The following SPAG16 variants were observed in gnomAD, a reference collection of about 807,000 sequenced individuals.
The protein encoded by SPAG16 is sperm-associated antigen 16 protein.
A neutral mutation model predicts 80.4 loss-of-function variants in SPAG16; 86 were observed. That is an observed-to-expected ratio of 1.07 (90% CI 0.90 to 1.28). The LOEUF (loss-of-function observed/expected upper bound fraction) is 1.28. Among genes scored for constraint, SPAG16 ranks in the 50% most tolerant of loss-of-function variants. The pLI, the probability that SPAG16 is intolerant of heterozygous loss-of-function variation, is 0.00. For synonymous variants in SPAG16, 294 were observed against 265.9 expected (o/e 1.11, Z -1.03); for missense variants, 870 against 765.3 (o/e 1.14, Z -1.61).
intron 12 of SPAG16, among the ~76,000 whole-genome samples, chr2:213,952,957 A>G (rs1249389648): frequency 2.0e-5 from 3 of 152,102 alleles, no homozygotes; most frequent in African/African-American, 7.2e-5. Context: ...CCCTTTTGGA[A>G]TAAAACTAAC....
At chr2:213,407,000 C>T (rs2068645848) in intron 9 of SPAG16, among the ~76,000 whole-genome samples, 1 of 150,548 alleles carries the variant, frequency 6.6e-6, no homozygotes, top group Admixed American at 6.6e-5. Flanking sequence ...AGGACTCTCA[C>T]ATACTGCGGC....
At chr2:213,534,144 T>C (rs1485496055) in intron 10 of SPAG16, among the ~76,000 whole-genome samples, 1 of 152,172 alleles carries the variant, frequency 6.6e-6, no homozygotes, top group Non-Finnish European at 1.5e-5. Flanking sequence ...AAAAATAATA[T>C]CCATTTGTGT....
chr2:213,650,526 C>T (rs1012211055), intron 10 of SPAG16, among the ~76,000 whole-genome samples: 5 of 152,024 alleles, frequency 3.3e-5, no homozygotes, highest in East Asian at 3.9e-4. Context: ...GTGTGTTTGG[C>T]GATAGGGGAA....
intron 10 of SPAG16, among the ~76,000 whole-genome samples, chr2:213,567,228 A>AT (rs1327441500): frequency 3.3e-5 from 4 of 122,790 alleles, no homozygotes; most frequent in African/African-American, 1.1e-4. Context: ...CTTGTTTGAC[A>AT]TTGTTTTTTT....
intron 9 of SPAG16, among the ~76,000 whole-genome samples, chr2:213,413,596 G>A (rs2069104496): frequency 6.6e-6 from 1 of 152,096 alleles, no homozygotes; most frequent in South Asian, 2.1e-4. Flanking sequence ...TTTTAAATAT[G>A]TTTTTAAAAG....
chr2:214,086,234 T>C (rs182203910), intron 13 of SPAG16, among the ~76,000 whole-genome samples: 2 of 152,342 alleles, frequency 1.3e-5, no homozygotes, highest in East Asian at 3.9e-4. Flanking sequence ...CTGTATTAAT[T>C]AAGGTTGTTA....
At chr2:213,711,856 G>C (rs1052645167) in intron 10 of SPAG16, among the ~76,000 whole-genome samples, 1 of 151,982 alleles carries the variant, frequency 6.6e-6, no homozygotes, top group African/African-American at 2.4e-5. Context: ...TATCTCTGTA[G>C]ACATCTAACA....
intron 15 of SPAG16, among the ~76,000 whole-genome samples, chr2:214,224,425 G>A (rs2058654475): frequency 6.6e-6 from 1 of 151,904 alleles, no homozygotes; most frequent in African/African-American, 2.4e-5. Flanking sequence ...AATTTCTTCA[G>A]TATGTGCAAA....
chr2:214,241,679 C>G (rs1689500184), intron 15 of SPAG16, among the ~76,000 whole-genome samples: 1 of 152,058 alleles, frequency 6.6e-6, no homozygotes, highest in Non-Finnish European at 1.5e-5. Context: ...TAAAACTGCT[C>G]TAAGAAATAG....
chr2:213,981,932 C>A (rs1213659402), intron 12 of SPAG16, among the ~76,000 whole-genome samples: 1 of 149,550 alleles, frequency 6.7e-6, no homozygotes, highest in Admixed American at 6.6e-5. Flanking sequence ...TTTTACATTT[C>A]AAAAACACTA....
At chr2:214,322,509 C>A (rs1481303321) in intron 15 of SPAG16, among the ~76,000 whole-genome samples, 90 of 136,712 alleles carry the variant, frequency 6.6e-4, no homozygotes, top group South Asian at 8.9e-4. Context: ...TCACCTTAGG[C>A]AAAAAAAAAA....
At chr2:214,338,909 A>G (rs958008172) in intron 15 of SPAG16, among the ~76,000 whole-genome samples, 1 of 152,188 alleles carries the variant, frequency 6.6e-6, no homozygotes, top group African/African-American at 2.4e-5. Context: ...TACATCAGCT[A>G]TGTATTTTGA....
chr2:214,204,060 C>A (rs570726316), intron 15 of SPAG16, among the ~76,000 whole-genome samples: 58 of 152,092 alleles, frequency 3.8e-4, no homozygotes, highest in Non-Finnish European at 7.8e-4. Flanking sequence ...GCCAGCTTTC[C>A]CCCACTTCCC....
intron 10 of SPAG16, among the ~76,000 whole-genome samples, chr2:213,860,641 G>A (rs1199528789): frequency 6.6e-6 from 1 of 151,844 alleles, no homozygotes; most frequent in Admixed American, 6.6e-5. Context: ...TGGAGGGGAT[G>A]AGAAGAGTCA....
At position 214,210,238 on chromosome 2, in the gene SPAG16, T is replaced by C. The variant is rs902862059; in HGVS notation, c.1720+60972T>C. Among the ~76,000 whole-genome samples the C allele has an allele frequency of 2.0e-5, 3 of 151,982 alleles. No homozygotes were observed. The East Asian group carries it at 5.8e-4, about 29-fold the overall frequency. ...ATCCTTATGATAATTTTGAGTACAA[T>C]TGACCCTCGAACATGTTTGAACTAT... is the stretch of plus-strand genomic sequence containing the variant. On this transcript the variant is annotated intron_variant, in intron 15 of 15. Transcript: ENST00000331683.
At chr2:213,614,618 T>C (rs2125030196) in intron 10 of SPAG16, among the ~76,000 whole-genome samples, 1 of 152,336 alleles carries the variant, frequency 6.6e-6, no homozygotes, top group South Asian at 2.1e-4. Flanking sequence ...ATTCCATCTG[T>C]TGATAAGGTT....
intron 10 of SPAG16, among the ~76,000 whole-genome samples, chr2:213,751,317 T>A (rs1239789804): frequency 1.3e-5 from 2 of 152,116 alleles, no homozygotes; most frequent in African/African-American, 2.4e-5. Context: ...TTGTTCCTCA[T>A]CCCACTGACC....
chr2:214,403,309 C>T (rs910368097), intron 15 of SPAG16, among the ~76,000 whole-genome samples: 1 of 149,396 alleles, frequency 6.7e-6, no homozygotes, highest in African/African-American at 2.4e-5. Flanking sequence ...TTTTAAAGAA[C>T]AGGTAAAATT....
At chr2:213,855,466 T>C (rs1186686379) in intron 10 of SPAG16, among the ~76,000 whole-genome samples, 2 of 152,230 alleles carry the variant, frequency 1.3e-5, no homozygotes, top group Non-Finnish European at 2.9e-5. Context: ...ACGTAACTCA[T>C]AGGAGAACAG....
Sources: allele counts gnomAD v4.1 joint callset (sites outside exome capture counted in the v4.1 genomes callset), GRCh38; gene constraint gnomAD v4.1.1; transcripts MANE v1.5; gene names NCBI Gene and HGNC (gene_info 2026-07-23, HGNC 2026-07-21).